The following ANKS1B variants were observed in gnomAD, a reference collection of about 807,000 sequenced individuals.
ANKS1B encodes ankyrin repeat and sterile alpha motif domain-containing protein 1B.
In ANKS1B, 36 loss-of-function variants were observed where a neutral mutation model predicts 148.3. The ratio of observed to expected loss-of-function variants is 0.24; its 90% CI spans 0.19 to 0.32. ANKS1B has a LOEUF of 0.32. ANKS1B is among the 10% of genes least tolerant of loss of function. ANKS1B has a pLI of 1.00. For missense variants in ANKS1B, 1,157 were observed against 1,542.6 expected (o/e 0.75, Z 4.19); for synonymous variants, 542 against 560.8 (o/e 0.97, Z 0.47).
At chr12:99,366,434 C>G (rs1441100778) in intron 12 of ANKS1B, among the ~76,000 whole-genome samples, 1 of 152,126 alleles carries the variant, frequency 6.6e-6, no homozygotes, top group Admixed American at 6.6e-5. Flanking sequence ...GTAACTAACT[C>G]TCTGCTTTAT....
chr12:99,464,288 C>G (rs897154547), intron 10 of ANKS1B, among the ~76,000 whole-genome samples: 1 of 152,176 alleles, frequency 6.6e-6, no homozygotes, highest in South Asian at 2.1e-4. Flanking sequence ...AAAAACCCAT[C>G]TGTACATCAC....
At chr12:99,657,040 G>C (rs2098452820) in intron 8 of ANKS1B, among the ~76,000 whole-genome samples, 1 of 151,078 alleles carries the variant, frequency 6.6e-6, no homozygotes, top group Non-Finnish European at 1.5e-5. Context: ...AAATTAAGTT[G>C]TCCCCCAATC....
intron 17 of ANKS1B, among the ~76,000 whole-genome samples, chr12:98,886,831 G>A (rs187097789): frequency 2.6e-5 from 4 of 152,216 alleles, no homozygotes; most frequent in Non-Finnish European, 4.4e-5. Context: ...AGAATACAAC[G>A]TTCGGCCATG....
intron 1 of ANKS1B, among the ~76,000 whole-genome samples, chr12:99,978,139 T>C (rs934376257): frequency 1.3e-5 from 2 of 152,240 alleles, no homozygotes; most frequent in South Asian, 4.1e-4. Context: ...TACTGTCACC[T>C]GAAAGGTTAA....
At chr12:99,731,092 C>G (rs953551157) in intron 8 of ANKS1B, among the ~76,000 whole-genome samples, 1 of 151,084 alleles carries the variant, frequency 6.6e-6, no homozygotes, top group Non-Finnish European at 1.5e-5. Flanking sequence ...AGGAATGCAC[C>G]ACCACACCTG....
chr12:99,386,937 A>G (rs1037934711), intron 12 of ANKS1B, among the ~76,000 whole-genome samples: 1 of 152,218 alleles, frequency 6.6e-6, no homozygotes, highest in Non-Finnish European at 1.5e-5. Context: ...AATCCCAGCA[A>G]AGCAAATATT....
intron 1 of ANKS1B, among the ~76,000 whole-genome samples, chr12:99,874,019 T>C (rs865964353): frequency 7.3e-6 from 1 of 136,486 alleles, no homozygotes; most frequent in Non-Finnish European, 1.5e-5. Flanking sequence ...TCTCTCTCTC[T>C]CACATATATA....
intron 8 of ANKS1B, among the ~76,000 whole-genome samples, chr12:99,672,232 A>T (rs1409088667): frequency 5.3e-5 from 8 of 152,094 alleles, no homozygotes; most frequent in Non-Finnish European, 1.2e-4. Flanking sequence ...GGTACCCAGG[A>T]CAATCAAAGA....
At chr12:99,334,680 A>G (rs1162851320) in intron 12 of ANKS1B, among the ~76,000 whole-genome samples, 1 of 152,060 alleles carries the variant, frequency 6.6e-6, no homozygotes, top group Admixed American at 6.6e-5. Flanking sequence ...AAAGAATAAT[A>G]ATAGCCTTAA....
chr12:99,619,158 C>T (rs1406003998), intron 9 of ANKS1B, among the ~76,000 whole-genome samples: 1 of 151,994 alleles, frequency 6.6e-6, no homozygotes, highest in Admixed American at 6.5e-5. Context: ...ATTCAGAGCA[C>T]ACCCTCACAT....
At chr12:98,900,133 T>C (rs914146514) in intron 17 of ANKS1B, among the ~76,000 whole-genome samples, 6 of 152,180 alleles carry the variant, frequency 3.9e-5, no homozygotes, top group African/African-American at 1.4e-4. Context: ...TCCATATAGA[T>C]GTAGCACCTG....
rs1016787657 is a variant in ANKS1B, at chr12:99,984,405, T to C, written c.-168A>G. 5.4e-6 allele frequency: 3 copies of C among 551,234 alleles called. No individual in the cohort carries two copies. Among genetic ancestry groups the C allele is most frequent in the Non-Finnish European group, 9.4e-6 (3 of 319,968 alleles). 34.1% of individuals were successfully genotyped at this position (551,234 alleles called of 1,614,324 possible). A position where few individuals can be genotyped will look rare whatever the true frequency, so the allele number is the denominator to read the frequency against. On this transcript the variant is annotated 5_prime_UTR_variant, in exon 1 of 27. Transcript: ENST00000683438. ...CCAGGCAGGGAGCACGACTCTCTCC[T>C]CCTCTTCGGGGCGCAGCTTTTACAA... is the stretch of plus-strand genomic sequence containing the variant.
intron 9 of ANKS1B, among the ~76,000 whole-genome samples, chr12:99,516,757 A>T (rs552294058): frequency 4.0e-4 from 57 of 144,176 alleles, no homozygotes; most frequent in Middle Eastern, 3.5e-3. Flanking sequence ...AAATTAATTT[A>T]AAAAAAAAAG....
intron 1 of ANKS1B, among the ~76,000 whole-genome samples, chr12:99,959,651 AAAT>A (rs1339853957): frequency 6.6e-6 from 1 of 152,192 alleles, no homozygotes; most frequent in Non-Finnish European, 1.5e-5. Context: ...CGTATTTCCA[AAAT>A]AATGTTTTCA....
intron 1 of ANKS1B, among the ~76,000 whole-genome samples, chr12:99,850,844 T>G (rs2087706346): frequency 6.6e-6 from 1 of 152,102 alleles, no homozygotes. Flanking sequence ...ATATAAATCC[T>G]AACTCAAGTT....
chr12:99,150,886 A>G (rs2074686023), intron 15 of ANKS1B, among the ~76,000 whole-genome samples: 1 of 151,880 alleles, frequency 6.6e-6, no homozygotes, highest in African/African-American at 2.4e-5. Flanking sequence ...TGAGGGGATA[A>G]ACAGGTAAGG....
At chr12:99,560,850 T>C (rs1479547520) in intron 9 of ANKS1B, among the ~76,000 whole-genome samples, 6 of 134,820 alleles carry the variant, frequency 4.5e-5, no homozygotes, top group South Asian at 2.5e-4. Flanking sequence ...CTTTTTTTTT[T>C]TTTTTTTTTT....
intron 17 of ANKS1B, among the ~76,000 whole-genome samples, chr12:99,049,448 C>A (rs2099964564): frequency 6.6e-6 from 1 of 152,022 alleles, no homozygotes; most frequent in Admixed American, 6.6e-5. Flanking sequence ...AACTTCAAAG[C>A]AAGCCTAAAT....
chr12:98,934,095 G>GT (rs2099816290), intron 17 of ANKS1B, among the ~76,000 whole-genome samples: 1 of 152,032 alleles, frequency 6.6e-6, no homozygotes, highest in South Asian at 2.1e-4. Flanking sequence ...CTGTCAAGTG[G>GT]TTTTTCATGT....
Sources: allele counts gnomAD v4.1 joint callset (sites outside exome capture counted in the v4.1 genomes callset), GRCh38; gene constraint gnomAD v4.1.1; transcripts MANE v1.5; gene names NCBI Gene and HGNC (gene_info 2026-07-23, HGNC 2026-07-21).